Variants in WWOX observed in about 807,000 individuals in gnomAD.
The protein encoded by WWOX is WW domain-containing oxidoreductase.
Under a neutral mutation model 46.2 loss-of-function variants are expected in WWOX, and 69 were observed. The observed-to-expected ratio is 1.49, with a 90% CI of 1.23 to 1.82. The LOEUF (loss-of-function observed/expected upper bound fraction) is 1.82. WWOX is among the 40% of genes most tolerant of loss of function. The pLI is 0.00. For missense variants in WWOX, 919 were observed against 542.6 expected (o/e 1.69, Z -6.89); for synonymous variants, 359 against 202.6 (o/e 1.77, Z -6.56).
intron 8 of WWOX, among the ~76,000 whole-genome samples, chr16:79,165,168 T>C (rs979922277): frequency 2.0e-5 from 3 of 147,080 alleles, no homozygotes; most frequent in African/African-American, 7.6e-5. Flanking sequence ...AAAAAAAAAC[T>C]AGATAAATCT....
Position 78,666,586 on chromosome 16 carries a change from C to A in WWOX, c.1056+233834C>A, listed in dbSNP as rs1157188778. On this transcript the variant is annotated intron_variant, in intron 8 of 8. Transcript: ENST00000566780. ...ACTGCCTTAAGAAATAAAGCAGATT[C>A]CTTCAGTCGCATGTGGGCCTGGAGT... 2.0e-5 allele frequency among the ~76,000 whole-genome samples: 3 copies of A among 152,190 alleles called. No homozygotes were observed. In the South Asian group the frequency reaches 6.2e-4, roughly 31 times the overall value.
At chr16:79,129,313 C>T (rs1011310919) in intron 8 of WWOX, among the ~76,000 whole-genome samples, 1 of 150,080 alleles carries the variant, frequency 6.7e-6, no homozygotes, top group African/African-American at 2.5e-5. Flanking sequence ...GAGGGGGGCA[C>T]ACTTCCTGAT....
At chr16:78,427,330 C>T (rs2083105239) in intron 7 of WWOX, among the ~76,000 whole-genome samples, 1 of 152,190 alleles carries the variant, frequency 6.6e-6, no homozygotes, top group South Asian at 2.1e-4. Context: ...TATCTGGAAT[C>T]TGAGCAACTG....
chr16:78,551,095 A>G (rs1231902090), intron 8 of WWOX: 2 of 152,240 alleles, frequency 1.3e-5, no homozygotes, highest in Non-Finnish European at 2.9e-5. Context: ...ATATTGTGTG[A>G]AACAAATATC....
chr16:78,577,859 G>T (rs531840426), intron 8 of WWOX, among the ~76,000 whole-genome samples: 1 of 152,212 alleles, frequency 6.6e-6, no homozygotes, highest in East Asian at 1.9e-4. Context: ...TGTGCCGTTG[G>T]TAATTCAGTT....
At chr16:78,361,385 T>G (rs776683901) in intron 5 of WWOX, among the ~76,000 whole-genome samples, 20 of 152,204 alleles carry the variant, frequency 1.3e-4, no homozygotes, top group Non-Finnish European at 2.5e-4. Flanking sequence ...TATTAATTTT[T>G]CCTTTGAAAT....
chr16:78,428,465 C>A (rs955587597), intron 7 of WWOX, among the ~76,000 whole-genome samples: 4 of 152,188 alleles, frequency 2.6e-5, no homozygotes, highest in Admixed American at 1.3e-4. Context: ...TCAGGGGTCA[C>A]CCTTACAGGG....
At chr16:78,219,916 G>T (rs1377736193) in intron 5 of WWOX, among the ~76,000 whole-genome samples, 2 of 152,024 alleles carry the variant, frequency 1.3e-5, no homozygotes, top group Non-Finnish European at 2.9e-5. Context: ...AACATTGTAC[G>T]TTTTAAATGG....
At chr16:78,428,313 C>T (rs927841294) in intron 7 of WWOX, among the ~76,000 whole-genome samples, 4 of 152,148 alleles carry the variant, frequency 2.6e-5, no homozygotes, top group African/African-American at 9.7e-5. Context: ...GAGAGGTGAA[C>T]ATAGTCGTTT....
chr16:78,308,196 C>T (rs980186616), intron 5 of WWOX, among the ~76,000 whole-genome samples: 11 of 152,176 alleles, frequency 7.2e-5, no homozygotes, highest in African/African-American at 2.4e-4. Context: ...GCCACACAGC[C>T]ACCCAGAGCT....
At chr16:78,863,004 G>C (rs2043924647) in intron 8 of WWOX, among the ~76,000 whole-genome samples, 1 of 150,184 alleles carries the variant, frequency 6.7e-6, no homozygotes, top group Admixed American at 6.7e-5. Context: ...CTGTTGCCAG[G>C]GTGGAGTGCA....
intron 8 of WWOX, among the ~76,000 whole-genome samples, chr16:78,740,255 C>A (rs1304313395): frequency 6.6e-6 from 1 of 152,174 alleles, no homozygotes; most frequent in Non-Finnish European, 1.5e-5. Context: ...TCTTACAATG[C>A]TGATGCGACT....
chr16:78,296,215 T>C (rs1436789558), intron 5 of WWOX, among the ~76,000 whole-genome samples: 2 of 152,188 alleles, frequency 1.3e-5, no homozygotes, highest in Admixed American at 1.3e-4. Flanking sequence ...TCACTCTATC[T>C]GTATTGTTTG....
intron 8 of WWOX, among the ~76,000 whole-genome samples, chr16:79,116,985 CT>C (rs1346617843): frequency 2.6e-5 from 4 of 152,108 alleles, no homozygotes; most frequent in Admixed American, 2.0e-4. Flanking sequence ...CTACATTAAT[CT>C]TGTACATCTC....
At chr16:78,302,261 T>G (rs2080055246) in intron 5 of WWOX, among the ~76,000 whole-genome samples, 1 of 152,124 alleles carries the variant, frequency 6.6e-6, no homozygotes, top group African/African-American at 2.4e-5. Context: ...GTGCCCGGCC[T>G]TAGATGAGGT....
intron 8 of WWOX, among the ~76,000 whole-genome samples, chr16:78,729,835 C>T (rs1443149763): frequency 1.3e-5 from 2 of 152,196 alleles, no homozygotes; most frequent in South Asian, 4.1e-4. Context: ...ACCTGCTATG[C>T]AGTGCTTTCT....
chr16:78,271,452 T>C (rs1055381550), intron 5 of WWOX, among the ~76,000 whole-genome samples: 2 of 152,234 alleles, frequency 1.3e-5, no homozygotes, highest in Admixed American at 6.5e-5. Flanking sequence ...TGTTTCAGCA[T>C]TGGAATATCA....
rs555262270 is a variant in WWOX, at chr16:79,182,559, G to T, written c.1057-29049G>T. Among the ~76,000 whole-genome samples the T allele has an allele frequency of 6.6e-5, 10 of 152,138 alleles. No homozygotes were observed. In the South Asian group the frequency reaches 2.1e-3, roughly 32 times the overall value. ...TAGCGGGGCCTGTTATAATGGGGTT[G>T]GTGGGGTTATTTGTGCTTTTAAAGT... is the stretch of plus-strand genomic sequence containing the variant. On this transcript the variant is annotated intron_variant, in intron 8 of 8. Transcript: ENST00000566780.
chr16:78,756,603 T>A (rs1230828777), intron 8 of WWOX, among the ~76,000 whole-genome samples: 1 of 152,222 alleles, frequency 6.6e-6, no homozygotes, highest in Non-Finnish European at 1.5e-5. Flanking sequence ...GTTTCATTGG[T>A]TACTGACGCT....
Sources: gnomAD v4.1 joint callset for allele counts (sites outside exome capture counted in the v4.1 genomes callset) on GRCh38, gnomAD v4.1.1 for gene constraint, MANE v1.5 for transcripts, NCBI Gene and HGNC (gene_info 2026-07-23, HGNC 2026-07-21) for gene names.